Variants in ADAMTS3 observed in about 807,000 individuals in gnomAD.
The protein encoded by ADAMTS3 is ADAM metallopeptidase with thrombospondin type 1 motif 3.
Under a neutral mutation model 129.0 loss-of-function variants are expected in ADAMTS3, and 73 were observed. The ratio of observed to expected loss-of-function variants is 0.57; its 90% confidence interval spans 0.47 to 0.69. The LOEUF is 0.69. Ranked by LOEUF, ADAMTS3 falls within the 30% of genes least tolerant of loss-of-function variation. The pLI is 0.00. For missense variants in ADAMTS3, 1,457 were observed against 1,514.5 expected (o/e 0.96, Z 0.63); for synonymous variants, 477 against 510.8 (o/e 0.93, Z 0.89).
chr4:72,434,563 C>G (rs1416874663), intron 3 of ADAMTS3, among the ~76,000 whole-genome samples: 1 of 151,754 alleles, frequency 6.6e-6, no homozygotes, highest in African/African-American at 2.4e-5. Context: ...AATTCCTATA[C>G]CCCAGCCAAC....
intron 3 of ADAMTS3, among the ~76,000 whole-genome samples, chr4:72,416,699 G>A (rs755557962): frequency 2.0e-5 from 3 of 151,978 alleles, no homozygotes; most frequent in Non-Finnish European, 4.4e-5. Flanking sequence ...ATTGGTTAAT[G>A]GATTCACCTC....
chr4:72,500,801 A>G (rs895089885), intron 3 of ADAMTS3, among the ~76,000 whole-genome samples: 3 of 152,234 alleles, frequency 2.0e-5, no homozygotes, highest in Non-Finnish European at 4.4e-5. Context: ...ATAAAGTGAA[A>G]GGTAGGAGTA....
chr4:72,362,705 T>C (rs1720760728), intron 4 of ADAMTS3, among the ~76,000 whole-genome samples: 1 of 152,144 alleles, frequency 6.6e-6, no homozygotes, highest in Non-Finnish European at 1.5e-5. Flanking sequence ...AAGAGATATT[T>C]TGGAAAACCT....
chr4:72,406,124 T>C (rs1722044607), intron 4 of ADAMTS3, among the ~76,000 whole-genome samples: 1 of 152,036 alleles, frequency 6.6e-6, no homozygotes, highest in African/African-American at 2.4e-5. Context: ...CCAGAAGCTG[T>C]GAGTGAGTGG....
At chr4:72,518,009 T>A (rs1299723145) in intron 3 of ADAMTS3, among the ~76,000 whole-genome samples, 10 of 152,092 alleles carry the variant, frequency 6.6e-5, no homozygotes, top group African/African-American at 9.7e-5. Context: ...CTGCTTTGAA[T>A]GTGTCCCAGA....
intron 3 of ADAMTS3, among the ~76,000 whole-genome samples, chr4:72,526,678 G>T (rs1432288239): frequency 8.5e-6 from 1 of 117,638 alleles, no homozygotes; most frequent in Non-Finnish European, 1.7e-5. Context: ...ATATACACAT[G>T]CATATCTTTG....
intron 3 of ADAMTS3, among the ~76,000 whole-genome samples, chr4:72,436,670 G>A (rs1578678574): frequency 1.3e-5 from 2 of 152,208 alleles, no homozygotes; most frequent in South Asian, 2.1e-4. Flanking sequence ...GGAATACTAT[G>A]CAGCCATAAA....
Position 72,477,835 on chromosome 4 carries a change from C to T in ADAMTS3, c.505-62864G>A, listed in dbSNP as rs192348926. ...AAAAAAGTGAGAAGAATCAAATAGACGCAATAAAAAATGATAAAGGGGATA... is the reference window on the plus strand; with the variant it reads ...AAAAAAGTGAGAAGAATCAAATAGATGCAATAAAAAATGATAAAGGGGATA... On this transcript the variant is annotated intron_variant, in intron 3 of 21. Coordinates refer to ENST00000286657, the MANE Select transcript of ADAMTS3 (RefSeq NM_014243.3). Among the ~76,000 whole-genome samples the T allele has an allele frequency of 4.9e-4, 74 of 151,916 alleles. No homozygotes were observed. In the South Asian group the frequency reaches 5.6e-3, roughly 12 times the overall value.
intron 3 of ADAMTS3, among the ~76,000 whole-genome samples, chr4:72,502,413 T>C (rs1720049761): frequency 6.6e-6 from 1 of 152,188 alleles, no homozygotes; most frequent in Non-Finnish European, 1.5e-5. Context: ...TAGGTGTTCA[T>C]AATAGTCTCT....
At chr4:72,337,288 T>C (rs1720015193) in intron 5 of ADAMTS3, among the ~76,000 whole-genome samples, 1 of 152,344 alleles carries the variant, frequency 6.6e-6, no homozygotes, top group South Asian at 2.1e-4. Flanking sequence ...ATTTTTTTAA[T>C]GGACTTAAGA....
At chr4:72,331,038 T>A (rs1211889289) in intron 5 of ADAMTS3, among the ~76,000 whole-genome samples, 5 of 152,110 alleles carry the variant, frequency 3.3e-5, no homozygotes, top group Non-Finnish European at 7.4e-5. Flanking sequence ...AAGAAGAAAG[T>A]GTGAATTTCA....
chr4:72,340,522 G>A (rs1003576223), intron 4 of ADAMTS3, among the ~76,000 whole-genome samples: 5 of 151,884 alleles, frequency 3.3e-5, no homozygotes, highest in African/African-American at 1.2e-4. Context: ...CTAAACCTGA[G>A]ATATCAAAGT....
At chr4:72,456,834 G>A (rs746005195) in intron 3 of ADAMTS3, among the ~76,000 whole-genome samples, 2 of 151,506 alleles carry the variant, frequency 1.3e-5, no homozygotes, top group Non-Finnish European at 3.0e-5. Flanking sequence ...CTTTTAAACA[G>A]AGCACTCCCT....
Position 72,568,815 on chromosome 4 carries a change from A to AT in ADAMTS3, c.-54_-53insA. 8.7e-7 allele frequency: 1 copy of AT among 1,150,002 alleles called. No homozygotes were observed. The highest frequency in any genetic ancestry group is 1.4e-5 in the South Asian group (1 of 73,794). The allele number at this position is 1,150,002 out of a possible 1,614,324, so 71.2% of individuals were successfully genotyped here. A position where few individuals can be genotyped will look rare whatever the true frequency, so the allele number is the denominator to read the frequency against. ...TGGGCAAAGCAAATGCCCAGAGCAA[A>AT]CCCACCCCCCCCGCCCAAAATAAGT... is the stretch of plus-strand genomic sequence containing the variant. On this transcript the variant is annotated 5_prime_UTR_variant, in exon 1 of 22. Transcript: ENST00000286657.
At chr4:72,339,763 A>C in intron 4 of ADAMTS3, 70 bp from the exon 5 acceptor site, 1 of 1,293,608 alleles carries the variant, frequency 7.7e-7, no homozygotes, top group Non-Finnish European at 1.1e-6. Context: ...TCTTAGAAAA[A>C]AAGAATCTTC....
chr4:72,507,560 A>G (rs1720195978), intron 3 of ADAMTS3, among the ~76,000 whole-genome samples: 2 of 152,114 alleles, frequency 1.3e-5, no homozygotes, highest in Admixed American at 6.6e-5. Flanking sequence ...TTTCTAGTAT[A>G]TTTCATTATT....
intron 3 of ADAMTS3, among the ~76,000 whole-genome samples, chr4:72,416,275 C>A (rs1409698760): frequency 6.6e-6 from 1 of 151,068 alleles, no homozygotes; most frequent in East Asian, 1.9e-4. Flanking sequence ...CAAATCTGTC[C>A]TTTTCCTTTC....
chr4:72,309,528 GAGA>G lies in ADAMTS3; in HGVS notation c.2056-11_2056-9del, dbSNP rs747246450. ...TTTATCACAGCCCACTTTCTGGAGA[GAGA>G]AGATGTCAAATGTGGCTAATTTTAG... On this transcript the variant is annotated splice_polypyrimidine_tract_variant and intron_variant, in intron 14 of 21. Transcript: ENST00000286657. 5.2e-5 allele frequency: 83 copies of G among 1,610,814 alleles called. No individual in the cohort carries two copies. The African/African-American group carries it at 9.2e-4, about 18-fold the overall frequency.
intron 3 of ADAMTS3, among the ~76,000 whole-genome samples, chr4:72,418,584 T>C (rs561021497): frequency 8.5e-5 from 13 of 152,328 alleles, no homozygotes; most frequent in African/African-American, 3.1e-4. Flanking sequence ...TGGGAAATTT[T>C]TATGAGCTAG....
Sources: allele counts gnomAD v4.1 joint callset (sites outside exome capture counted in the v4.1 genomes callset), GRCh38; gene constraint gnomAD v4.1.1; transcripts MANE v1.5; gene names NCBI Gene and HGNC (gene_info 2026-07-23, HGNC 2026-07-21).